The following STRN3 variants were observed in gnomAD, a reference collection of about 807,000 sequenced individuals.
STRN3 encodes striatin-3.
In STRN3, 29 loss-of-function variants were observed where a neutral mutation model predicts 95.6. The observed-to-expected ratio is 0.30, with a 90% CI of 0.23 to 0.41. STRN3 has a LOEUF of 0.41. Among genes scored for constraint, STRN3 ranks in the 10% least tolerant of loss-of-function variants. The pLI is 1.00. For missense variants in STRN3, 890 were observed against 972.1 expected (o/e 0.92, Z 1.12); for synonymous variants, 331 against 357.6 (o/e 0.93, Z 0.84).
In STRN3 at chr14:31,017,331, C is replaced by T. The variant is rs545759898; in HGVS notation, c.282+8573G>A. ...TGGCTAACAAGGTGAAACCCCGTCT[C>T]TACTAAAAATACAAAAAATTAGCCG... On this transcript the variant is annotated intron_variant, in intron 1 of 17. Coordinates refer to ENST00000357479, the MANE Select transcript of STRN3 (RefSeq NM_001083893.2). 2.0e-5 allele frequency among the ~76,000 whole-genome samples: 3 copies of T among 151,052 alleles called. No homozygotes were observed. In the South Asian group the frequency reaches 6.3e-4, roughly 32 times the overall value.
At chr14:31,017,970 CA>C (rs1199784835) in intron 1 of STRN3, among the ~76,000 whole-genome samples, 2 of 151,326 alleles carry the variant, frequency 1.3e-5, no homozygotes, top group Non-Finnish European at 2.9e-5. Context: ...CCCAGCTACT[CA>C]AGGGGCTGAG....
At chr14:30,899,740 TA>T (rs1250599528) in intron 16 of STRN3, among the ~76,000 whole-genome samples, 1 of 151,474 alleles carries the variant, frequency 6.6e-6, no homozygotes, top group Non-Finnish European at 1.5e-5. Flanking sequence ...ATCTTGCACA[TA>T]CCCCCCCCAC....
intron 1 of STRN3, among the ~76,000 whole-genome samples, chr14:31,004,698 G>A (rs754798767): frequency 2.4e-4 from 37 of 152,060 alleles, no homozygotes; most frequent in Admixed American, 1.3e-4. Flanking sequence ...GTTTGAACCC[G>A]TGAGGCGGAG....
intron 1 of STRN3, among the ~76,000 whole-genome samples, chr14:30,975,511 T>C (rs1305086052): frequency 1.5e-5 from 2 of 129,926 alleles, no homozygotes; most frequent in Non-Finnish European, 3.2e-5. Context: ...AACTTTTCCA[T>C]GCAACCAAAT....
chr14:30,910,088 A>C (rs962690299), intron 13 of STRN3, among the ~76,000 whole-genome samples: 1 of 152,112 alleles, frequency 6.6e-6, no homozygotes, highest in African/African-American at 2.4e-5. Context: ...TTCTCACAAC[A>C]GACACAGTCA....
chr14:31,015,663 G>A (rs1393434721), intron 1 of STRN3, among the ~76,000 whole-genome samples: 5 of 152,144 alleles, frequency 3.3e-5, no homozygotes, highest in East Asian at 1.9e-4. Context: ...ATGAGCCACC[G>A]TGCCCCCAGC....
chr14:30,950,543 C>G (rs1347165998), intron 4 of STRN3, among the ~76,000 whole-genome samples: 1 of 152,142 alleles, frequency 6.6e-6, no homozygotes, highest in African/African-American at 2.4e-5. Flanking sequence ...ACCGGTCACA[C>G]CCACACTGAA....
At chr14:30,981,148 C>T (rs1420640702) in intron 1 of STRN3, among the ~76,000 whole-genome samples, 2 of 150,242 alleles carry the variant, frequency 1.3e-5, no homozygotes, top group Non-Finnish European at 2.9e-5. Context: ...CTTGTCTCTA[C>T]AAAAAAAAGT....
chr14:31,025,101 A>G (rs112266697), intron 1 of STRN3: 69 of 152,326 alleles, frequency 4.5e-4, no homozygotes, highest in African/African-American at 1.6e-3. Context: ...CTTCAAGGGA[A>G]TATTAAATCT....
chr14:31,004,715 G>T (rs1882636616), intron 1 of STRN3, among the ~76,000 whole-genome samples: 1 of 152,148 alleles, frequency 6.6e-6, no homozygotes, highest in Non-Finnish European at 1.5e-5. Context: ...GGAGTTTGTG[G>T]TGAGCCAAGA....
chr14:30,969,950 C>T (rs1028792211), intron 1 of STRN3, among the ~76,000 whole-genome samples: 4 of 152,074 alleles, frequency 2.6e-5, no homozygotes, highest in South Asian at 2.1e-4. Flanking sequence ...GTTCGTACAG[C>T]GAAAAAGGGA....
chr14:30,940,351 G>GA (rs1007907259), intron 5 of STRN3, among the ~76,000 whole-genome samples: 1 of 151,942 alleles, frequency 6.6e-6, no homozygotes, highest in South Asian at 2.1e-4. Context: ...AGCTTCCTGA[G>GA]AAAAAATGAA....
chr14:30,945,316 T>C (rs1879307425), intron 5 of STRN3, among the ~76,000 whole-genome samples: 2 of 152,092 alleles, frequency 1.3e-5, no homozygotes, highest in Non-Finnish European at 1.5e-5. Flanking sequence ...CCATCACCTA[T>C]ATAAGAAACA....
In STRN3 at chr14:30,997,352, C is replaced by T. The variant is rs181820525; in HGVS notation, c.282+28552G>A. 1.3e-3 allele frequency among the ~76,000 whole-genome samples: 202 copies of T among 152,208 alleles called. 1 individual carries two copies. Among genetic ancestry groups the T allele is most frequent in the Non-Finnish European group, 1.4e-3 (94 of 68,000 alleles). On this transcript the variant is annotated intron_variant, in intron 1 of 17. Coordinates refer to ENST00000357479, the MANE Select transcript of STRN3 (RefSeq NM_001083893.2). Reference sequence around the variant, plus strand: ...CCTTTAATATACAAATGAATTAATCCAGAGCCACACCTCCTCTGTCTGGCC... The same window carrying T: ...CCTTTAATATACAAATGAATTAATCTAGAGCCACACCTCCTCTGTCTGGCC...
At chr14:31,004,784 A>T (rs946428034) in intron 1 of STRN3, among the ~76,000 whole-genome samples, 34 of 149,458 alleles carry the variant, frequency 2.3e-4, no homozygotes, top group Non-Finnish European at 2.1e-4. Context: ...GAAAAAAAAA[A>T]TTTTTTTTTT....
At chr14:30,935,355 G>A (rs1878767013) in intron 6 of STRN3, 51 bp from the exon 7 acceptor site, 1 of 1,578,968 alleles carries the variant, frequency 6.3e-7, no homozygotes, top group Non-Finnish European at 8.6e-7. Context: ...ATGGAAAAGG[G>A]ATGCTTTAAT....
intron 8 of STRN3, among the ~76,000 whole-genome samples, chr14:30,928,571 T>C (rs1388193531): frequency 2.6e-5 from 4 of 152,206 alleles, no homozygotes; most frequent in Admixed American, 2.0e-4. Flanking sequence ...TTTTAATAAG[T>C]AAATTGATTA....
intron 1 of STRN3, among the ~76,000 whole-genome samples, chr14:30,960,660 G>A (rs1384346875): frequency 6.6e-6 from 1 of 151,922 alleles, no homozygotes; most frequent in African/African-American, 2.4e-5. Flanking sequence ...ACGAGGTCAG[G>A]AGATCGAGAC....
intron 5 of STRN3, among the ~76,000 whole-genome samples, chr14:30,946,298 T>G (rs888988507): frequency 2.0e-5 from 3 of 152,142 alleles, no homozygotes; most frequent in Non-Finnish European, 4.4e-5. Flanking sequence ...ATCCCAGCAC[T>G]TTTGGAGGCT....
Sources: allele counts gnomAD v4.1 joint callset (sites outside exome capture counted in the v4.1 genomes callset), GRCh38; gene constraint gnomAD v4.1.1; transcripts MANE v1.5; gene names NCBI Gene and HGNC (gene_info 2026-07-23, HGNC 2026-07-21).